NME7: variants seen among roughly 807,000 people sequenced by gnomAD.
NME7 encodes NME/NM23 family member 7.
A neutral mutation model predicts 49.1 loss-of-function variants in NME7; 41 were observed. That is an observed-to-expected ratio of 0.83 (90% CI 0.65 to 1.08). The LOEUF is 1.08. NME7 is among the 50% of genes least tolerant of loss of function. NME7 has a pLI of 0.00. For synonymous variants in NME7, 139 were observed against 150.6 expected (o/e 0.92, Z 0.56); for missense variants, 423 against 463.4 (o/e 0.91, Z 0.80).
intron 4 of NME7, among the ~76,000 whole-genome samples, chr1:169,305,694 ACTC>A (rs2101915265): frequency 6.6e-6 from 1 of 152,086 alleles, no homozygotes; most frequent in South Asian, 2.1e-4. Context: ...ACCCAAGCTC[ACTC>A]CTCCTCAGTT....
chr1:169,158,609 T>TAA (rs199883187), intron 11 of NME7, among the ~76,000 whole-genome samples: 2 of 151,820 alleles, frequency 1.3e-5, no homozygotes, highest in African/African-American at 4.8e-5. Flanking sequence ...CTTACATAGT[T>TAA]AAAAAAAACT....
intron 1 of NME7, among the ~76,000 whole-genome samples, chr1:169,336,302 G>A (rs1457315283): frequency 2.0e-5 from 3 of 152,118 alleles, no homozygotes; most frequent in Non-Finnish European, 4.4e-5. Flanking sequence ...ATTGCAAAGA[G>A]CGAAAGAACA....
intron 10 of NME7, among the ~76,000 whole-genome samples, chr1:169,177,672 G>A (rs116083093): frequency 0.015 from 2,206 of 152,006 alleles, 58 homozygotes; most frequent in African/African-American, 0.048. Flanking sequence ...TCTGGCTCCT[G>A]CTTAACTCTC....
At chr1:169,281,437 C>A (rs372248046) in intron 7 of NME7, among the ~76,000 whole-genome samples, 1 of 151,960 alleles carries the variant, frequency 6.6e-6, no homozygotes, top group Non-Finnish European at 1.5e-5. Flanking sequence ...ATCTGAATAC[C>A]CTTTATTGCT....
At chr1:169,144,794 A>G (rs577369043) in intron 11 of NME7, among the ~76,000 whole-genome samples, 6 of 152,318 alleles carry the variant, frequency 3.9e-5, no homozygotes, top group African/African-American at 1.4e-4. Flanking sequence ...TGGAAGCTGA[A>G]GCAGGAGGAT....
At chr1:169,267,029 C>T (rs149103181) in intron 7 of NME7, among the ~76,000 whole-genome samples, 2,037 of 133,488 alleles carry the variant, frequency 0.015, 285 homozygotes, top group African/African-American at 0.049. Context: ...GATCATGCCA[C>T]TGCACTCCAG....
chr1:169,214,934 T>C (rs748357457), intron 10 of NME7, among the ~76,000 whole-genome samples: 1 of 152,246 alleles, frequency 6.6e-6, no homozygotes, highest in Non-Finnish European at 1.5e-5. Flanking sequence ...CTTTGCCTTA[T>C]GTGGGGCAGC....
chr1:169,315,218 CA>C (rs1457695547), intron 3 of NME7, among the ~76,000 whole-genome samples: 1 of 151,406 alleles, frequency 6.6e-6, no homozygotes, highest in African/African-American at 2.4e-5. Context: ...TAAAACTATA[CA>C]AAACAACTGC....
chr1:169,328,380 CA>C (rs566010688), intron 1 of NME7, among the ~76,000 whole-genome samples: 38 of 152,220 alleles, frequency 2.5e-4, no homozygotes, highest in Middle Eastern at 3.4e-3. Flanking sequence ...CTATGTCTCC[CA>C]AAGCGATGAT....
At chr1:169,308,339 T>C (rs1651260033) in intron 4 of NME7, among the ~76,000 whole-genome samples, 5 of 152,192 alleles carry the variant, frequency 3.3e-5, no homozygotes, top group African/African-American at 1.2e-4. Flanking sequence ...AAAATGCAAC[T>C]GACCCATGGA....
chr1:169,153,662 T>C (rs1255051393), intron 11 of NME7, among the ~76,000 whole-genome samples: 1 of 83,252 alleles, frequency 1.2e-5, no homozygotes, highest in Non-Finnish European at 2.4e-5. Flanking sequence ...TACAATTTAA[T>C]TTTACATTTT....
chr1:169,301,659 GA>G (rs1293521061), intron 5 of NME7, among the ~76,000 whole-genome samples: 3 of 152,034 alleles, frequency 2.0e-5, no homozygotes, highest in Admixed American at 2.0e-4. Context: ...CAAATACATG[GA>G]AATAACTCAA....
chr1:169,273,539 C>T (rs1204027419), intron 7 of NME7, among the ~76,000 whole-genome samples: 2 of 130,704 alleles, frequency 1.5e-5, no homozygotes, highest in African/African-American at 5.2e-5. Flanking sequence ...TATACATGTG[C>T]CATGCTGGTG....
chr1:169,245,272 C>T (rs1179141707), intron 7 of NME7, among the ~76,000 whole-genome samples: 1 of 152,148 alleles, frequency 6.6e-6, no homozygotes, highest in Non-Finnish European at 1.5e-5. Flanking sequence ...GAATGTTAAA[C>T]TTACTGGATG....
At chr1:169,248,787 G>C (rs1041458812) in intron 7 of NME7, among the ~76,000 whole-genome samples, 1 of 152,074 alleles carries the variant, frequency 6.6e-6, no homozygotes, top group Non-Finnish European at 1.5e-5. Flanking sequence ...TCAGTTGGTT[G>C]TAAGTATTTG....
rs563902031 is a variant in NME7, at chr1:169,324,075, G to A, written c.111+318C>T. 2.6e-5 allele frequency among the ~76,000 whole-genome samples: 4 copies of A among 151,692 alleles called. No individual in the cohort carries two copies. In the East Asian group the frequency reaches 5.8e-4, roughly 22 times the overall value. Reference sequence around the variant, plus strand: ...TCACCATGTTGGCCAGGCTAGTCTCGAACTCCTGACTTCAAGTAATCTGCC... The same window carrying A: ...TCACCATGTTGGCCAGGCTAGTCTCAAACTCCTGACTTCAAGTAATCTGCC... On this transcript the variant is annotated intron_variant, in intron 2 of 11. Transcript: ENST00000367811.
chr1:169,142,360 A>T (rs1003771431), intron 11 of NME7, among the ~76,000 whole-genome samples: 1 of 152,106 alleles, frequency 6.6e-6, no homozygotes, highest in Non-Finnish European at 1.5e-5. Flanking sequence ...CCAGAATAAG[A>T]TAAGATGTGT....
At chr1:169,317,061 C>T (rs61806960) in intron 3 of NME7, among the ~76,000 whole-genome samples, 4 of 151,748 alleles carry the variant, frequency 2.6e-5, no homozygotes, top group African/African-American at 9.7e-5. Flanking sequence ...ATAATCACAG[C>T]ATATTTCAAT....
Position 169,354,769 on chromosome 1 carries a change from TTA to T in NME7, c.3+12937_3+12938del, listed in dbSNP as rs199517087. On this transcript the variant is annotated intron_variant, in intron 1 of 11. Coordinates refer to ENST00000367811, the MANE Select transcript of NME7 (RefSeq NM_013330.5). ...TATACTATGGGTGTGTATATATGTT[TTA>T]TATATATATATGTGTGTGCACATAT... 6.4e-3 allele frequency among the ~76,000 whole-genome samples: 895 copies of T among 140,110 alleles called. 3 individuals carry two copies. Among genetic ancestry groups the T allele is most frequent in the Non-Finnish European group, 9.7e-3 (636 of 65,428 alleles). The allele number at this position is 140,110 out of a possible 152,430, so 91.9% of individuals were successfully genotyped here. A position where few individuals can be genotyped will look rare whatever the true frequency, so the allele number is the denominator to read the frequency against.
Sources: gnomAD v4.1 joint callset for allele counts (sites outside exome capture counted in the v4.1 genomes callset) on GRCh38, gnomAD v4.1.1 for gene constraint, MANE v1.5 for transcripts, NCBI Gene and HGNC (gene_info 2026-07-23, HGNC 2026-07-21) for gene names.